PHLPP1: variants seen among roughly 807,000 people sequenced by gnomAD.
The protein encoded by PHLPP1 is PH domain leucine-rich repeat-containing protein phosphatase 1.
Under a neutral mutation model 117.2 loss-of-function variants are expected in PHLPP1, and 42 were observed. The observed-to-expected ratio is 0.36, with a 90% CI of 0.28 to 0.46. PHLPP1 has a LOEUF of 0.46. Among genes scored for constraint, PHLPP1 ranks in the 20% least tolerant of loss-of-function variants. The pLI is 1.00. For synonymous variants in PHLPP1, 1,042 were observed against 970.7 expected (o/e 1.07, Z -1.37); for missense variants, 2,084 against 2,241.9 (o/e 0.93, Z 1.42).
intron 1 of PHLPP1, among the ~76,000 whole-genome samples, chr18:62,800,684 GT>G (rs956166242): frequency 3.9e-5 from 6 of 151,914 alleles, no homozygotes; most frequent in African/African-American, 1.5e-4. Flanking sequence ...CATGTTACTT[GT>G]TTTGTTGTTT....
At chr18:62,804,633 C>T (rs901805380) in intron 1 of PHLPP1, among the ~76,000 whole-genome samples, 23 of 151,928 alleles carry the variant, frequency 1.5e-4, no homozygotes, top group African/African-American at 5.6e-4. Flanking sequence ...TGGATATGAA[C>T]GCTTTGCTAG....
intron 1 of PHLPP1, among the ~76,000 whole-genome samples, chr18:62,770,032 A>G (rs1912702808): frequency 6.6e-6 from 1 of 152,182 alleles, no homozygotes; most frequent in Non-Finnish European, 1.5e-5. Context: ...TAAAAAGCCA[A>G]TTAGCATCAT....
At chr18:62,798,827 G>A (rs1466292902) in intron 1 of PHLPP1, among the ~76,000 whole-genome samples, 1 of 151,996 alleles carries the variant, frequency 6.6e-6, no homozygotes, top group African/African-American at 2.4e-5. Context: ...GTGAAATCCA[G>A]TGGTAATAAA....
intron 1 of PHLPP1, among the ~76,000 whole-genome samples, chr18:62,778,871 A>T (rs1473305673): frequency 1.3e-5 from 2 of 152,202 alleles, no homozygotes; most frequent in South Asian, 4.1e-4. Flanking sequence ...TGCTCATATT[A>T]TGCTTTGGAA....
rs181547424 is a variant in PHLPP1, at chr18:62,947,292, T to C, written c.3324+2021T>C. Reference sequence around the variant, plus strand: ...ACATGTAAAGCATTTGAAATAGGAGTGTCACATAGGAAGAACTCCCTAAAT... The same window carrying C: ...ACATGTAAAGCATTTGAAATAGGAGCGTCACATAGGAAGAACTCCCTAAAT... On this transcript the variant is annotated intron_variant, in intron 12 of 16. Coordinates refer to ENST00000262719, the MANE Select transcript of PHLPP1 (RefSeq NM_194449.4). 4.9e-3 allele frequency among the ~76,000 whole-genome samples: 752 copies of C among 152,218 alleles called. 4 individuals carry two copies. Among genetic ancestry groups the C allele is most frequent in the African/African-American group, 0.017 (718 of 41,528 alleles).
At chr18:62,745,421 A>G (rs1456868927) in intron 1 of PHLPP1, among the ~76,000 whole-genome samples, 1 of 152,228 alleles carries the variant, frequency 6.6e-6, no homozygotes, top group African/African-American at 2.4e-5. Context: ...CTAACATTGC[A>G]TTAAGAAATC....
intron 4 of PHLPP1, among the ~76,000 whole-genome samples, chr18:62,884,330 A>G (rs544071776): frequency 6.6e-6 from 1 of 152,384 alleles, no homozygotes; most frequent in Admixed American, 6.5e-5. Context: ...TCAGGAGGGT[A>G]GGATTTGAAA....
intron 1 of PHLPP1, among the ~76,000 whole-genome samples, chr18:62,764,702 G>C (rs1221395902): frequency 6.6e-6 from 1 of 152,244 alleles, no homozygotes; most frequent in Non-Finnish European, 1.5e-5. Context: ...GGGTTCTTGG[G>C]GATGAAATGG....
intron 3 of PHLPP1, among the ~76,000 whole-genome samples, chr18:62,856,916 C>T (rs1482744800): frequency 6.6e-6 from 1 of 151,764 alleles, no homozygotes; most frequent in African/African-American, 2.4e-5. Context: ...CAGTCTTGAC[C>T]CCCTTTCTCA....
intron 1 of PHLPP1, among the ~76,000 whole-genome samples, chr18:62,750,359 C>T (rs536067244): frequency 3.9e-4 from 60 of 152,256 alleles, no homozygotes; most frequent in South Asian, 2.3e-3. Context: ...CTCTCTCTCT[C>T]TGTCTCTCCC....
chr18:62,818,698 A>G (rs1041207626), intron 1 of PHLPP1, among the ~76,000 whole-genome samples: 1 of 152,220 alleles, frequency 6.6e-6, no homozygotes, highest in Non-Finnish European at 1.5e-5. Flanking sequence ...ATGAAGAACA[A>G]TGGAAATAAT....
chr18:62,848,882 A>C (rs763510983), intron 3 of PHLPP1, among the ~76,000 whole-genome samples: 3 of 152,218 alleles, frequency 2.0e-5, no homozygotes, highest in Non-Finnish European at 4.4e-5. Context: ...AAGTTCTACT[A>C]CCTTACTCCT....
intron 10 of PHLPP1, among the ~76,000 whole-genome samples, chr18:62,931,620 C>T (rs1201603240): frequency 1.4e-5 from 2 of 147,742 alleles, no homozygotes; most frequent in Non-Finnish European, 3.0e-5. Context: ...AAGGGCCGGG[C>T]ACGGTGGCTC....
chr18:62,970,980 T>C (rs1911034898), intron 14 of PHLPP1, among the ~76,000 whole-genome samples: 1 of 152,192 alleles, frequency 6.6e-6, no homozygotes, highest in Non-Finnish European at 1.5e-5. Context: ...CCCTTAACTT[T>C]TCAGAGCTGT....
intron 10 of PHLPP1, among the ~76,000 whole-genome samples, chr18:62,922,104 T>C (rs556351023): frequency 4.6e-5 from 7 of 151,740 alleles, no homozygotes; most frequent in Non-Finnish European, 7.4e-5. Flanking sequence ...TCTTGTTTTT[T>C]GGTTTTGGGT....
At chr18:62,756,048 A>T (rs1912007194) in intron 1 of PHLPP1, among the ~76,000 whole-genome samples, 1 of 142,018 alleles carries the variant, frequency 7.0e-6, no homozygotes. Flanking sequence ...TCTTTGACTC[A>T]TTCATTTTTT....
chr18:62,924,164 A>G (rs758564449), intron 10 of PHLPP1, among the ~76,000 whole-genome samples: 1 of 152,208 alleles, frequency 6.6e-6, no homozygotes, highest in Non-Finnish European at 1.5e-5. Context: ...TTGTTGTTGG[A>G]TGATACAAAG....
intron 1 of PHLPP1, among the ~76,000 whole-genome samples, chr18:62,815,714 G>A (rs1914252821): frequency 6.6e-6 from 1 of 152,182 alleles, no homozygotes; most frequent in Non-Finnish European, 1.5e-5. Context: ...CATTTTGTTT[G>A]TTAGAAGCCA....
intron 4 of PHLPP1, among the ~76,000 whole-genome samples, chr18:62,893,134 C>T (rs747314624): frequency 6.6e-5 from 10 of 151,688 alleles, no homozygotes; most frequent in African/African-American, 9.7e-5. Context: ...CTCTGTCTCC[C>T]GGGTTCAAGC....
Sources: gnomAD v4.1 joint callset for allele counts (sites outside exome capture counted in the v4.1 genomes callset) on GRCh38, gnomAD v4.1.1 for gene constraint, MANE v1.5 for transcripts, NCBI Gene and HGNC (gene_info 2026-07-23, HGNC 2026-07-21) for gene names.